Variants in FRYL observed in about 807,000 individuals in gnomAD.
The protein encoded by FRYL is protein furry homolog-like.
FRYL carries 150 observed loss-of-function variants against 351.2 expected under a neutral mutation model. That is an observed-to-expected ratio of 0.43 (90% confidence interval 0.37 to 0.49). The LOEUF (loss-of-function observed/expected upper bound fraction) is 0.49. Among genes scored for constraint, FRYL ranks in the 20% least tolerant of loss-of-function variants. The probability of loss-of-function intolerance (pLI) is 0.00; values close to 1 mark genes in which losing one functional copy is unlikely to be tolerated. For synonymous variants in FRYL, 1,153 were observed against 1,257.1 expected, an observed-to-expected ratio of 0.92 and a Z score of 1.75; for missense variants, 3,036 against 3,619.3, an observed-to-expected ratio of 0.84 and a Z score of 4.13.
chr4:48,623,199 AC>A lies in FRYL; in HGVS notation c.121-21del. On this transcript the variant is annotated intron_variant, in intron 4 of 63. Transcript: ENST00000358350. The stretch of plus-strand genomic sequence containing the variant: ...CTTCTCCTATGATTAAAAAAAACAA[AC>A]ATTAAAAATAAAAATAAAGCACAAA... 1.6e-6 allele frequency: 2 copies of A among 1,277,014 alleles called. No individual in the cohort carries two copies. The highest frequency in any genetic ancestry group is 2.4e-5 in the Admixed American group (1 of 42,300). The allele number at this position is 1,277,014 out of a possible 1,614,324, so 79.1% of individuals were successfully genotyped here. A position where few individuals can be genotyped will look rare whatever the true frequency, so the allele number is the denominator to read the frequency against.
intron 3 of FRYL, among the ~76,000 whole-genome samples, chr4:48,662,002 T>C (rs1196201117): frequency 6.6e-6 from 1 of 152,092 alleles, no homozygotes; most frequent in Non-Finnish European, 1.5e-5. Flanking sequence ...GAGAAATGGA[T>C]ATAGAAACTC....
chr4:48,500,728 G>A (rs1719395056), intron 62 of FRYL, among the ~76,000 whole-genome samples: 1 of 152,194 alleles, frequency 6.6e-6, no homozygotes, highest in Non-Finnish European at 1.5e-5. Flanking sequence ...TTGAGGCTAT[G>A]TATTGATTTT....
chr4:48,734,318 A>G (rs1328501533), intron 1 of FRYL, among the ~76,000 whole-genome samples: 2 of 152,222 alleles, frequency 1.3e-5, no homozygotes, highest in African/African-American at 4.8e-5. Context: ...GATAAAGATT[A>G]GCATTACATA....
At chr4:48,557,189 T>G (rs1320435187) in intron 34 of FRYL, 71 bp from the exon 35 acceptor site, 1 of 1,508,802 alleles carries the variant, frequency 6.6e-7, no homozygotes, top group African/African-American at 1.4e-5. Flanking sequence ...TGTCATACCA[T>G]GAAATATTAA....
intron 3 of FRYL, among the ~76,000 whole-genome samples, chr4:48,645,524 C>A (rs1756299461): frequency 6.6e-6 from 1 of 152,112 alleles, no homozygotes. Flanking sequence ...TGATTCCACT[C>A]CCAGAAAAGA....
chr4:48,567,326 C>T lies in FRYL; in HGVS notation c.3091G>A (p.Glu1031Lys). The T allele has an allele frequency of 1.2e-6, 2 of 1,612,782 alleles. No individual in the cohort carries two copies. The highest frequency in any genetic ancestry group is 1.7e-6 in the Non-Finnish European group (2 of 1,179,364). The change falls in exon 28 of 64, where the codon GAA becomes AAA. Residue 1031 changes from glutamate (E) to lysine (K), a missense_variant. Coordinates refer to ENST00000358350, the MANE Select transcript of FRYL (RefSeq NM_015030.2). This position sits in a 1 kb window ranked among gnomAD's most constrained non-coding sequence, Gnocchi z 4.2. The stretch of plus-strand genomic sequence containing the variant: ...TCCTTCAGTGTGTCAGAGTCTTTTT[C>T]ATTTTCTGCTTCCAGGAGTTGTCTA... ...LTRQLLEAEN[E>K]KDSDTLKDIR...
chr4:48,732,930 T>TAAAAA (rs35830833), intron 1 of FRYL, among the ~76,000 whole-genome samples: 1 of 142,598 alleles, frequency 7.0e-6, no homozygotes. Flanking sequence ...ATAACAATAT[T>TAAAAA]AAAAAAAAAA....
chr4:48,738,665 C>CTTTT (rs748249556), intron 1 of FRYL, among the ~76,000 whole-genome samples: 1 of 132,838 alleles, frequency 7.5e-6, no homozygotes, highest in Non-Finnish European at 1.6e-5. Flanking sequence ...ACATGGCTAA[C>CTTTT]TTTTTTTTTT....
At chr4:48,702,651 T>C (rs961966148) in intron 2 of FRYL, among the ~76,000 whole-genome samples, 2 of 148,462 alleles carry the variant, frequency 1.3e-5, no homozygotes, top group African/African-American at 5.0e-5. Context: ...CAGTCCCAGC[T>C]ACTCGTAGAG....
rs779867935 is a variant in FRYL, at chr4:48,515,188, C to G, written c.7777G>C (p.Val2593Leu). 3 of 1,613,914 alleles carry G rather than the reference C, an allele frequency of 1.9e-6. No individual in the cohort carries two copies. Among genetic ancestry groups the G allele is most frequent in the Non-Finnish European group, 2.5e-6 (3 of 1,179,838 alleles). The change falls in exon 56 of 64, where the codon GTG becomes CTG. Residue 2593 changes from valine to leucine, a missense_variant. This residue lies in a region of FRYL where 1,987 missense variants were observed against 2,311.7 expected (regional missense o/e 0.86). Coordinates refer to ENST00000358350, the MANE Select transcript of FRYL (RefSeq NM_015030.2). ...YIIQEQQESL[V>L]CQGILDLEET... ...TCTAAATCAAGAATTCCTTGACACA[C>G]AAGAGATTCCTGCTGTTCTTGAATT...
intron 1 of FRYL, among the ~76,000 whole-genome samples, chr4:48,771,811 C>T (rs1578988709): frequency 6.6e-6 from 1 of 152,150 alleles, no homozygotes; most frequent in East Asian, 1.9e-4. Context: ...TCAGCAAGTA[C>T]TGTATGGGGT....
Position 48,681,305 on chromosome 4 carries a change from A to G in FRYL, c.-81+3368T>C, listed in dbSNP as rs1764575220. 1.3e-5 allele frequency: 3 copies of G among 224,968 alleles called. No homozygotes were observed. In the Admixed American group the frequency reaches 1.6e-4, roughly 12 times the overall value. 13.9% of individuals were successfully genotyped at this position (224,968 alleles called of 1,614,324 possible). On this transcript the variant is annotated intron_variant, in intron 3 of 63. Transcript: ENST00000358350. ...AGCTGTTTTGAAGCTGATTTTCAGG[A>G]CATTACTGTTTGTGCTGATAACAAA...
intron 1 of FRYL, among the ~76,000 whole-genome samples, chr4:48,770,420 G>A (rs934699483): frequency 2.6e-5 from 4 of 151,856 alleles, no homozygotes; most frequent in Non-Finnish European, 5.9e-5. Flanking sequence ...TTTTGTTAAT[G>A]TCTTTTTTAT....
chr4:48,557,647 G>A lies in FRYL; in HGVS notation c.3931C>T (p.Pro1311Ser). ...ACCAGCTCGATGTTGTTCATCCATG[G>A]TAGCAGGTAGTGCAGCATCACCTGC... ...GRQVMLHYLLPWMNNIELVDL... is the reference protein window; with the variant it reads ...GRQVMLHYLLSWMNNIELVDL... Residue 1311 changes from proline to serine, a missense_variant, in exon 34 of 64, where the codon CCA becomes TCA. Coordinates refer to ENST00000358350, the MANE Select transcript of FRYL (RefSeq NM_015030.2). 3 of 1,614,166 alleles carry A rather than the reference G, an allele frequency of 1.9e-6. No individual in the cohort carries two copies. Among genetic ancestry groups the A allele is most frequent in the Non-Finnish European group, 2.5e-6 (3 of 1,180,024 alleles).
intron 1 of FRYL, among the ~76,000 whole-genome samples, chr4:48,747,880 T>A (rs1362182197): frequency 1.3e-5 from 2 of 152,294 alleles, no homozygotes; most frequent in East Asian, 1.9e-4. Context: ...ATAATAAAAG[T>A]GCTATTTTAA....
chr4:48,683,367 A>G (rs1764850112), intron 3 of FRYL, among the ~76,000 whole-genome samples: 2 of 151,894 alleles, frequency 1.3e-5, no homozygotes, highest in African/African-American at 4.8e-5. Flanking sequence ...GTGTATACCT[A>G]TGTAACAAAC....
chr4:48,709,056 G>A (rs1304793607), intron 2 of FRYL, among the ~76,000 whole-genome samples: 1 of 152,022 alleles, frequency 6.6e-6, no homozygotes, highest in South Asian at 2.1e-4. Context: ...CGAGTAGCTG[G>A]AACTACAGCG....
At chr4:48,688,306 T>C (rs1578728221) in intron 2 of FRYL, among the ~76,000 whole-genome samples, 1 of 152,170 alleles carries the variant, frequency 6.6e-6, no homozygotes, top group Non-Finnish European at 1.5e-5. Context: ...CGTTTTCAAA[T>C]AAATTTAAAA....
In FRYL at chr4:48,497,399, T is replaced by C. The variant is rs1351059196; in HGVS notation, c.*2023A>G. On this transcript the variant is annotated 3_prime_UTR_variant, in exon 64 of 64. Coordinates refer to ENST00000358350, the MANE Select transcript of FRYL (RefSeq NM_015030.2). ...ATTCATTTTTATTATATTAATAGAC[T>C]TAGTTACATATAAATAAACACAAAA... 2.0e-5 allele frequency: 3 copies of C among 152,484 alleles called. No homozygotes were observed. The highest frequency in any genetic ancestry group is 4.8e-5 in the African/African-American group (2 of 41,452). 9.4% of individuals were successfully genotyped at this position (152,484 alleles called of 1,614,324 possible).
Sources: gnomAD v4.1 joint callset for allele counts (sites outside exome capture counted in the v4.1 genomes callset) on GRCh38, gnomAD v4.1.1 for gene constraint, gnomAD v4.1.1 regional missense constraint, Gnocchi (gnomAD v3.1) non-coding constraint, MANE v1.5 for transcripts, NCBI Gene and HGNC (gene_info 2026-07-23, HGNC 2026-07-21) for gene names.